FREM1: variants seen among roughly 807,000 people sequenced by gnomAD.
FREM1 encodes FRAS1-related extracellular matrix protein 1.
In FREM1, 220 loss-of-function variants were observed where a neutral mutation model predicts 210.1. The observed-to-expected ratio is 1.05, with a 90% CI of 0.94 to 1.17. The LOEUF (loss-of-function observed/expected upper bound fraction) is 1.17, where lower values mean the gene tolerates loss of function less well. FREM1 is among the 50% of genes most tolerant of loss of function. The pLI, the probability that FREM1 is intolerant of heterozygous loss-of-function variation, is 0.00. For missense variants in FREM1, 3,454 were observed against 2,675.5 expected, an observed-to-expected ratio of 1.29 and a Z score of -6.42; for synonymous variants, 1,189 against 980.2, an observed-to-expected ratio of 1.21 and a Z score of -3.98.
chr9:14,903,956 C>G (rs941048564), intron 1 of FREM1, among the ~76,000 whole-genome samples: 1 of 151,818 alleles, frequency 6.6e-6, no homozygotes, highest in Non-Finnish European at 1.5e-5. Flanking sequence ...CGCGTCTCTA[C>G]TAAAAATACA....
At chr9:14,792,711 G>C (rs1851644297) in intron 22 of FREM1, 32 bp downstream of exon 22, 1 of 1,542,130 alleles carries the variant, frequency 6.5e-7, no homozygotes, top group South Asian at 1.3e-5. Flanking sequence ...TGCTACGTTA[G>C]TTTTGAAAAA....
At chr9:14,807,919 A>T (rs1210580666) in intron 17 of FREM1, 21 bp downstream of exon 17, 1 of 1,580,696 alleles carries the variant, frequency 6.3e-7, no homozygotes, top group Non-Finnish European at 8.7e-7. Context: ...ATAGTACTGG[A>T]ACAAAAAAAC....
intron 10 of FREM1, among the ~76,000 whole-genome samples, chr9:14,825,548 T>TGTGTATATATATATACATAC (rs1554685284): frequency 2.3e-5 from 1 of 43,320 alleles, no homozygotes; most frequent in Non-Finnish European, 4.8e-5. Context: ...TGTGTGTGTG[T>TGTGTATATATATATACATAC]ATATATATAT....
At chr9:14,832,851 C>G (rs1413558825) in intron 10 of FREM1, among the ~76,000 whole-genome samples, 1 of 152,112 alleles carries the variant, frequency 6.6e-6, no homozygotes, top group African/African-American at 2.4e-5. Context: ...TGGTCTTAAG[C>G]TGTAAACAAT....
intron 27 of FREM1, among the ~76,000 whole-genome samples, chr9:14,764,753 G>A (rs1345893835): frequency 6.6e-6 from 1 of 152,020 alleles, no homozygotes; most frequent in Non-Finnish European, 1.5e-5. Context: ...TGAGACACCC[G>A]GTCCTGGAGT....
Position 14,798,618 on chromosome 9 carries a change from G to C in FREM1, c.3695-976C>G, listed in dbSNP as rs888239369. 2.7e-4 allele frequency among the ~76,000 whole-genome samples: 41 copies of C among 152,036 alleles called. 1 individual carries two copies. Among genetic ancestry groups the C allele is most frequent in the Admixed American group, 2.6e-3 (39 of 15,254 alleles). The stretch of plus-strand genomic sequence containing the variant: ...AAGTCATCTCTTTTAAAAAATTACA[G>C]CATAATAAGTCTATATGATGATTTT... On this transcript the variant is annotated intron_variant, in intron 20 of 36. Transcript: ENST00000380880.
chr9:14,820,249 G>A (rs1010122330), intron 13 of FREM1, among the ~76,000 whole-genome samples: 5 of 152,160 alleles, frequency 3.3e-5, no homozygotes, highest in East Asian at 1.9e-4. Context: ...TCCTGCAGGA[G>A]GAAAACCTGC....
intron 20 of FREM1, among the ~76,000 whole-genome samples, chr9:14,798,193 C>A (rs1397574559): frequency 6.6e-6 from 1 of 152,016 alleles, no homozygotes; most frequent in East Asian, 1.9e-4. Context: ...AAGATGTGCA[C>A]CCAGATTTAT....
Position 14,836,607 on chromosome 9 carries a change from C to T in FREM1, c.1881+4840G>A, listed in dbSNP as rs1824657553. ...AACCCCTTTATTAAGCCCTCTCTTG[C>T]TTATATGTCTTGAATTGATATTTGG... On this transcript the variant is annotated intron_variant, in intron 10 of 36. Coordinates refer to ENST00000380880, the MANE Select transcript of FREM1 (RefSeq NM_001379081.2). The surrounding 1 kb of genome is among the most constrained non-coding windows in gnomAD (Gnocchi z 4.9). Among the ~76,000 whole-genome samples the T allele has an allele frequency of 6.6e-6, 1 of 152,176 alleles. No individual in the cohort carries two copies. Among genetic ancestry groups the T allele is most frequent in the African/African-American group, 2.4e-5 (1 of 41,448 alleles).
chr9:14,811,193 C>G (rs1819331551), intron 16 of FREM1, among the ~76,000 whole-genome samples: 1 of 152,072 alleles, frequency 6.6e-6, no homozygotes, highest in South Asian at 2.1e-4. Flanking sequence ...GTAACATAAC[C>G]AAAAGCCGTC....
chr9:14,750,906 T>A (rs1200664870), intron 29 of FREM1, among the ~76,000 whole-genome samples: 2 of 152,196 alleles, frequency 1.3e-5, no homozygotes, highest in Non-Finnish European at 2.9e-5. Context: ...CTGCCTCTAT[T>A]CATGAAGTTA....
rs1849447968 is a variant in FREM1 at position 14,780,367 on chromosome 9, A to G, written c.4442+4003T>C. 3.3e-5 allele frequency among the ~76,000 whole-genome samples: 5 copies of G among 150,128 alleles called. No homozygotes were observed. In the South Asian group the frequency reaches 1.1e-3, roughly 32 times the overall value. On this transcript the variant is annotated intron_variant, in intron 24 of 36. Coordinates refer to ENST00000380880, the MANE Select transcript of FREM1 (RefSeq NM_001379081.2). ...ATTGCCTGGCAATAGAGTTGGCTGA[A>G]GAAGCTGCCATCTGTCATGGCATTT...
rs1387619711 is a variant in FREM1 at position 14,868,879 on chromosome 9, C to A, written c.99G>T (p.Arg33Ser). Residue 33 changes from arginine to serine, a missense_variant, in exon 2 of 37, where the codon AGG becomes AGT. Transcript: ENST00000380880. Reference protein sequence around the residue: ...PTFISINRGVRVMKGHSAFLS... With the variant: ...PTFISINRGVSVMKGHSAFLS... The stretch of plus-strand genomic sequence containing the variant: ...GGAAGGCAGAGTGGCCCTTCATCAC[C>A]CTCACCCCGCGGTTGATGCTGATGA... 1.2e-6 allele frequency: 2 copies of A among 1,607,660 alleles called. No homozygotes were observed. The highest frequency in any genetic ancestry group is 1.7e-5 in the Admixed American group (1 of 59,140).
At chr9:14,740,468 C>T (rs1214643692) in intron 35 of FREM1, among the ~76,000 whole-genome samples, 3 of 152,222 alleles carry the variant, frequency 2.0e-5, no homozygotes, top group East Asian at 1.9e-4. Flanking sequence ...CAGCAAAAAA[C>T]ATCGATAGGT....
At chr9:14,884,969 G>A (rs1835518554) in intron 1 of FREM1, among the ~76,000 whole-genome samples, 1 of 110,900 alleles carries the variant, frequency 9.0e-6, no homozygotes, top group Non-Finnish European at 1.6e-5. Flanking sequence ...CTGTCGCCCA[G>A]GCTGGAGTGC....
chr9:14,771,990 G>A (rs1357086388), intron 25 of FREM1, among the ~76,000 whole-genome samples: 3 of 151,860 alleles, frequency 2.0e-5, no homozygotes, highest in African/African-American at 7.3e-5. Flanking sequence ...GGGAGCATTT[G>A]CACAAATGTG....
chr9:14,897,857 G>C (rs1838028363), intron 1 of FREM1, among the ~76,000 whole-genome samples: 1 of 152,168 alleles, frequency 6.6e-6, no homozygotes, highest in Admixed American at 6.5e-5. Context: ...GCCTCCCAAA[G>C]TGCTGGGATT....
intron 24 of FREM1, among the ~76,000 whole-genome samples, chr9:14,777,540 C>T (rs375214378): frequency 3.3e-5 from 5 of 151,976 alleles, no homozygotes; most frequent in South Asian, 2.1e-4. Context: ...TCTATTCCAC[C>T]GATACAAAAA....
intron 1 of FREM1, among the ~76,000 whole-genome samples, chr9:14,906,481 T>C (rs930503417): frequency 6.6e-6 from 1 of 152,234 alleles, no homozygotes; most frequent in Non-Finnish European, 1.5e-5. Context: ...GTTGTCTTTC[T>C]AAGGTGTAGG....
Sources: allele counts gnomAD v4.1 joint callset (sites outside exome capture counted in the v4.1 genomes callset), GRCh38; gene constraint gnomAD v4.1.1; non-coding constraint Gnocchi (gnomAD v3.1); transcripts MANE v1.5; gene names NCBI Gene and HGNC (gene_info 2026-07-23, HGNC 2026-07-21).